The following HOMER2 variants were observed in gnomAD, a reference collection of about 807,000 sequenced individuals.
HOMER2 encodes homer scaffold protein 2.
HOMER2 carries 27 observed loss-of-function variants against 47.0 expected under a neutral mutation model. The ratio of observed to expected loss-of-function variants is 0.57; its 90% CI spans 0.42 to 0.79. The LOEUF (loss-of-function observed/expected upper bound fraction) is 0.79, where lower values mean the gene tolerates loss of function less well. Among genes scored for constraint, HOMER2 ranks in the 30% least tolerant of loss-of-function variants. The probability of loss-of-function intolerance (pLI) is 0.00; values close to 1 mark genes in which losing one functional copy is unlikely to be tolerated. For missense variants in HOMER2, 443 were observed against 435.0 expected, an observed-to-expected ratio of 1.02 and a Z score of -0.16; for synonymous variants, 161 against 163.8, an observed-to-expected ratio of 0.98 and a Z score of 0.13.
intron 1 of HOMER2, among the ~76,000 whole-genome samples, chr15:82,915,190 G>C (rs759668336): frequency 6.6e-6 from 1 of 151,546 alleles, no homozygotes; most frequent in Non-Finnish European, 1.5e-5. Context: ...AGATAGTGAT[G>C]ATGGTTGTAG....
intron 1 of HOMER2, among the ~76,000 whole-genome samples, chr15:82,903,726 G>A (rs1213667183): frequency 6.6e-6 from 1 of 152,226 alleles, no homozygotes; most frequent in African/African-American, 2.4e-5. Flanking sequence ...GGGCGCAGTG[G>A]CTCACGCCTT....
At chr15:82,844,536 AAC>A (rs918732829), downstream of HOMER2, 13 of 152,152 alleles carry the variant, frequency 8.5e-5, no homozygotes, top group East Asian at 3.8e-4. Flanking sequence ...AAAGTAATAA[AAC>A]ACACACAGAT....
intron 1 of HOMER2, chr15:82,898,298 T>C (rs1330409340): frequency 2.0e-5 from 3 of 152,196 alleles, no homozygotes; most frequent in African/African-American, 4.8e-5. Flanking sequence ...TCAATATAAA[T>C]AGAAAGATTT....
chr15:82,932,394 C>T (rs2054034127), intron 1 of HOMER2, among the ~76,000 whole-genome samples: 1 of 151,878 alleles, frequency 6.6e-6, no homozygotes, highest in South Asian at 2.1e-4. Context: ...ACTTGGGAGG[C>T]TCAGGCAGGA....
rs148612760 is a variant in HOMER2, at chr15:82,945,765, T to C, written c.5+6766A>G. 1.0e-3 allele frequency among the ~76,000 whole-genome samples: 155 copies of C among 151,812 alleles called. 2 individuals are homozygous for C. Among genetic ancestry groups the C allele is most frequent in the South Asian group, 8.3e-3 (40 of 4,808 alleles). Reference sequence around the variant, plus strand: ...GCGGGCAAATCACGAGGTCAGGAGATCGAGACCATCCTGGCTAACAAGGTG... The same window carrying C: ...GCGGGCAAATCACGAGGTCAGGAGACCGAGACCATCCTGGCTAACAAGGTG... On this transcript the variant is annotated intron_variant, in intron 1 of 8. Transcript: ENST00000450735.
Position 82,849,707 on chromosome 15 carries a change from GGCCAGCCCTAGTTATCGGTGCCCA to G in HOMER2, c.1016_*7del, listed in dbSNP as rs1567009966. On this transcript the variant is annotated stop_lost and 3_prime_UTR_variant, in exon 9 of 9. Coordinates refer to ENST00000450735, the MANE Select transcript of HOMER2 (RefSeq NM_004839.4). ...GACTCACGGGCGGGGCCTGGGCCTC[GGCCAGCCCTAGTTATCGGTGCCCA>G]GCTTGGAGAGCCCTCGGCGGAAGTC... The G allele has an allele frequency of 6.2e-7, 1 of 1,610,874 alleles. No homozygotes were observed. Among genetic ancestry groups the G allele is most frequent in the African/African-American group, 1.3e-5 (1 of 74,996 alleles).
In HOMER2 at chr15:82,905,004, T is replaced by C. The variant is rs1404205116; in HGVS notation, c.6-12163A>G. On this transcript the variant is annotated intron_variant, in intron 1 of 8. Coordinates refer to ENST00000450735, the MANE Select transcript of HOMER2 (RefSeq NM_004839.4). Reference sequence around the variant, plus strand: ...ACCAGGAATTTTTTTAAATGATTAATATGCTAAGGGCTTTGATGGAAAAAG... The same window carrying C: ...ACCAGGAATTTTTTTAAATGATTAACATGCTAAGGGCTTTGATGGAAAAAG... 2.6e-5 allele frequency among the ~76,000 whole-genome samples: 4 copies of C among 152,294 alleles called. No individual in the cohort carries two copies. The East Asian group carries it at 7.7e-4, about 29-fold the overall frequency.
At chr15:82,879,516 G>T (rs951923878) in intron 2 of HOMER2, among the ~76,000 whole-genome samples, 2 of 151,934 alleles carry the variant, frequency 1.3e-5, no homozygotes, top group African/African-American at 4.8e-5. Flanking sequence ...AAGAAAGAAA[G>T]AAAATAAAGA....
At position 82,852,160 on chromosome 15, in the gene HOMER2, C is replaced by A; in HGVS notation, c.744G>T (p.Glu248Asp). Residue 248 changes from glutamate (E) to aspartate (D), a missense_variant, in exon 7 of 9, where the codon GAG (glutamate) becomes GAT (aspartate). Transcript: ENST00000450735. ...TACTCACTGTCTCCTTTTCTCGGAGCTCTGCCTCCAGCTCCTCGATCCTCC... is the reference window on the plus strand; with the variant it reads ...TACTCACTGTCTCCTTTTCTCGGAGATCTGCCTCCAGCTCCTCGATCCTCC... ...LKRRIEELEA[E>D]LREKETELKD... is the part of the protein sequence containing the mutation. 4.3e-6 allele frequency: 7 copies of A among 1,613,618 alleles called. No homozygotes were observed. Among genetic ancestry groups the A allele is most frequent in the Non-Finnish European group, 5.9e-6 (7 of 1,179,550 alleles).
At chr15:82,909,338 C>G (rs897262337) in intron 1 of HOMER2, among the ~76,000 whole-genome samples, 1 of 152,194 alleles carries the variant, frequency 6.6e-6, no homozygotes, top group Non-Finnish European at 1.5e-5. Context: ...AAGGGGTCTT[C>G]TTCCTAACGC....
rs140638838 is a variant in HOMER2 at position 82,960,262 on chromosome 15, T to C, written n.83-954A>G. 6.2e-4 allele frequency among the ~76,000 whole-genome samples: 95 copies of C among 152,292 alleles called. 1 individual carries two copies. The East Asian group carries it at 0.017, about 27-fold the overall frequency. On this transcript the variant is annotated intron_variant and non_coding_transcript_variant, in intron 1 of 1. Transcript: ENST00000500334. ...GAGATAATGAGTGCAATTTTGGACA[T>C]GCTGAGATGCAGGAATCTGAGGAAC...
intron 1 of HOMER2, among the ~76,000 whole-genome samples, chr15:82,946,446 C>T (rs2054384098): frequency 6.6e-6 from 1 of 152,186 alleles, no homozygotes; most frequent in Admixed American, 6.5e-5. Context: ...AGCTTCCTTA[C>T]TATTTCTTGA....
intron 5 of HOMER2, 130 bp from the exon 6 acceptor site, chr15:82,854,930 C>T (rs1001489592): frequency 2.8e-6 from 3 of 1,080,098 alleles, no homozygotes; most frequent in Non-Finnish European, 1.3e-6. Context: ...CCACAGTAAG[C>T]TGGCAGGTGG....
At chr15:82,836,523 A>C (rs1046446569), downstream of HOMER2, among the ~76,000 whole-genome samples, 42 of 152,224 alleles carry the variant, frequency 2.8e-4, no homozygotes, top group African/African-American at 9.9e-4. Flanking sequence ...ATGTCCTGGC[A>C]AACCCATGCC....
rs1490826967 is a variant in HOMER2, at chr15:82,859,009, G to A, written c.494+20C>T. 1 of 1,605,430 alleles carries A rather than the reference G, an allele frequency of 6.2e-7. No homozygotes were observed. Among genetic ancestry groups the A allele is most frequent in the African/African-American group, 1.3e-5 (1 of 74,720 alleles). ...GCTGAAGGTGGAGAAAATAGAATCTGGACTTTAAAACAGCCTTACCTCTGC... is the reference window on the plus strand; with the variant it reads ...GCTGAAGGTGGAGAAAATAGAATCTAGACTTTAAAACAGCCTTACCTCTGC... On this transcript the variant is annotated intron_variant, in intron 5 of 8. Coordinates refer to ENST00000450735, the MANE Select transcript of HOMER2 (RefSeq NM_004839.4).
intron 1 of HOMER2, among the ~76,000 whole-genome samples, chr15:82,908,553 A>G (rs2053355029): frequency 6.6e-6 from 1 of 151,972 alleles, no homozygotes; most frequent in African/African-American, 2.4e-5. Flanking sequence ...CTTTGAAACA[A>G]CCCATCTGCT....
At position 82,945,747 on chromosome 15, in the gene HOMER2, A is replaced by G. The variant is rs191212770; in HGVS notation, c.5+6784T>C. ...ACATTTTGGGAGGCCAAGGCGGGCA[A>G]ATCACGAGGTCAGGAGATCGAGACC... On this transcript the variant is annotated intron_variant, in intron 1 of 8. Coordinates refer to ENST00000450735, the MANE Select transcript of HOMER2 (RefSeq NM_004839.4). 1.9e-4 allele frequency among the ~76,000 whole-genome samples: 29 copies of G among 152,258 alleles called. No individual in the cohort carries two copies. In the East Asian group the frequency reaches 3.1e-3, roughly 16 times the overall value.
intron 2 of HOMER2, among the ~76,000 whole-genome samples, chr15:82,878,763 G>A (rs958040825): frequency 6.6e-6 from 1 of 152,184 alleles, no homozygotes; most frequent in Non-Finnish European, 1.5e-5. Context: ...AAGTAGCTGG[G>A]ATTACAGGTG....
intron 1 of HOMER2, among the ~76,000 whole-genome samples, chr15:82,895,023 C>G (rs1179470905): frequency 6.6e-6 from 1 of 152,222 alleles, no homozygotes; most frequent in Non-Finnish European, 1.5e-5. Flanking sequence ...GTAACACCAG[C>G]AGCATCAACC....
Sources: gnomAD v4.1 joint callset for allele counts (sites outside exome capture counted in the v4.1 genomes callset) on GRCh38, gnomAD v4.1.1 for gene constraint, MANE v1.5 for transcripts, NCBI Gene and HGNC (gene_info 2026-07-23, HGNC 2026-07-21) for gene names.